The following LMNTD1 variants were observed in gnomAD, a reference collection of about 807,000 sequenced individuals.
LMNTD1 encodes lamin tail domain containing 1.
In LMNTD1, 35 loss-of-function variants were observed where a neutral mutation model predicts 50.9. The observed-to-expected ratio is 0.69, with a 90% CI of 0.53 to 0.91. The LOEUF (loss-of-function observed/expected upper bound fraction) is 0.91, where lower values mean the gene tolerates loss of function less well. LMNTD1 is among the 40% of genes least tolerant of loss of function. LMNTD1 has a pLI of 0.00. For synonymous variants in LMNTD1, 153 were observed against 161.9 expected (o/e 0.94, Z 0.42); for missense variants, 470 against 475.5 (o/e 0.99, Z 0.11).
At chr12:25,602,257 T>A (rs1003900879) in intron 1 of LMNTD1, among the ~76,000 whole-genome samples, 1 of 151,522 alleles carries the variant, frequency 6.6e-6, no homozygotes, top group African/African-American at 2.4e-5. Context: ...TCCTAAATTT[T>A]TATTTTCTTT....
intron 1 of LMNTD1, among the ~76,000 whole-genome samples, chr12:25,580,211 T>C (rs982199533): frequency 6.6e-6 from 1 of 152,182 alleles, no homozygotes; most frequent in East Asian, 1.9e-4. Flanking sequence ...GCATCATCTC[T>C]ATTTTGTAGT....
chr12:25,633,957 G>A (rs1405687796), intron 1 of LMNTD1, among the ~76,000 whole-genome samples: 2 of 152,096 alleles, frequency 1.3e-5, no homozygotes, highest in Non-Finnish European at 2.9e-5. Flanking sequence ...GAAAAGAAGA[G>A]AGAAAAATCC....
At chr12:25,621,981 A>G (rs543692135) in intron 1 of LMNTD1, among the ~76,000 whole-genome samples, 26 of 152,370 alleles carry the variant, frequency 1.7e-4, no homozygotes, top group Non-Finnish European at 3.4e-4. Context: ...ATTCTGAGCC[A>G]GAGGCAAGTG....
At chr12:25,565,981 T>C (rs1325646810) in intron 1 of LMNTD1, among the ~76,000 whole-genome samples, 5 of 152,170 alleles carry the variant, frequency 3.3e-5, no homozygotes, top group African/African-American at 1.2e-4. Context: ...TGGAGCTCCA[T>C]TGTAGGTTAT....
At chr12:25,495,894 A>G (rs1939046494) in intron 9 of LMNTD1, among the ~76,000 whole-genome samples, 1 of 152,204 alleles carries the variant, frequency 6.6e-6, no homozygotes, top group Non-Finnish European at 1.5e-5. Flanking sequence ...TTCTAAGAGC[A>G]CACTTCACAA....
At chr12:25,482,163 T>G (rs1028681499) in intron 9 of LMNTD1, among the ~76,000 whole-genome samples, 5 of 152,002 alleles carry the variant, frequency 3.3e-5, no homozygotes, top group African/African-American at 1.2e-4. Context: ...ACAATTGCTG[T>G]CATCAGCATG....
intron 1 of LMNTD1, among the ~76,000 whole-genome samples, chr12:25,565,221 C>CATTTTAT (rs1466869491): frequency 6.6e-6 from 1 of 151,804 alleles, no homozygotes; most frequent in Non-Finnish European, 1.5e-5. Context: ...TGACTTCTGC[C>CATTTTAT]ATTTTATGTT....
chr12:25,571,276 G>A (rs559639979), intron 1 of LMNTD1, among the ~76,000 whole-genome samples: 10 of 152,218 alleles, frequency 6.6e-5, no homozygotes, highest in East Asian at 3.9e-4. Flanking sequence ...TTTTGTTCTC[G>A]TATCAATGTG....
intron 4 of LMNTD1, among the ~76,000 whole-genome samples, chr12:25,540,991 A>G (rs952853818): frequency 0.016 from 2,202 of 135,150 alleles, 60 homozygotes; most frequent in African/African-American, 0.055. Context: ...TTCAAAGAGA[A>G]TAAAATACCT....
At chr12:25,555,965 CTTTTTTT>C (rs71065954), upstream of LMNTD1, among the ~76,000 whole-genome samples, 5 of 69,472 alleles carry the variant, frequency 7.2e-5, no homozygotes, top group East Asian at 7.3e-4. Context: ...GTGCAATAAT[CTTTTTTT>C]TTTTTTTTTT....
chr12:25,643,739 G>A (rs960525727), intron 1 of LMNTD1, among the ~76,000 whole-genome samples: 6 of 152,192 alleles, frequency 3.9e-5, no homozygotes, highest in Non-Finnish European at 7.3e-5. Context: ...CAAAGAAGAA[G>A]GGAGGAGTGG....
Position 25,594,822 on chromosome 12 carries a change from C to T in LMNTD1, c.59-48268G>A, listed in dbSNP as rs903590475. 7.2e-5 allele frequency among the ~76,000 whole-genome samples: 11 copies of T among 152,178 alleles called. No individual in the cohort carries two copies. In the East Asian group the frequency reaches 2.1e-3, roughly 29 times the overall value. ...TAAAAATTCACCAAACAACTATCTG[C>T]TGCCTTCAAGAGACTCACCTAACAC... On this transcript the variant is annotated intron_variant, in intron 1 of 7. Transcript: ENST00000445693.
chr12:25,527,673 T>TAC lies in LMNTD1; in HGVS notation c.492-719_492-718insGT, dbSNP rs1433172011. Among the ~76,000 whole-genome samples, 10 of 21,460 alleles carry TAC rather than the reference T, an allele frequency of 4.7e-4. No homozygotes were observed. The South Asian group carries it at 5.9e-3, about 13-fold the overall frequency. 14.1% of individuals were successfully genotyped at this position (21,460 alleles called of 152,430 possible). On this transcript the variant is annotated intron_variant, in intron 4 of 9. Transcript: ENST00000458174. ...ATATATATATATATATATATATATATATATATATACACACACACACACACA... is the reference window on the plus strand; with the variant it reads ...ATATATATATATATATATATATATATACATATATATACACACACACACACACA...
At position 25,498,298 on chromosome 12, in the gene LMNTD1, C is replaced by A. The variant is rs370216912; in HGVS notation, c.*22+5440G>T. ...AATATTTTTGTTCCTTTGTCATTTC[C>A]TGTTCTGTCCATGGGATTTTGCACA... On this transcript the variant is annotated intron_variant, in intron 9 of 9. Coordinates refer to ENST00000458174, the MANE Select transcript of LMNTD1 (RefSeq NM_001145728.2). 1.4e-3 allele frequency among the ~76,000 whole-genome samples: 220 copies of A among 152,188 alleles called. No homozygotes were observed. In the South Asian group the frequency reaches 0.019, roughly 13 times the overall value.
chr12:25,599,485 C>T (rs539799762), intron 1 of LMNTD1, among the ~76,000 whole-genome samples: 1 of 152,040 alleles, frequency 6.6e-6, no homozygotes, highest in South Asian at 2.1e-4. Flanking sequence ...GAAGGGTATC[C>T]AAATTTGAAA....
chr12:25,646,126 A>AT (rs1026143220), intron 1 of LMNTD1, among the ~76,000 whole-genome samples: 7 of 151,962 alleles, frequency 4.6e-5, no homozygotes, highest in Admixed American at 2.0e-4. Flanking sequence ...ACCTGGGTTA[A>AT]TTTTTTTTAA....
Position 25,512,864 on chromosome 12 carries a change from TG to T in LMNTD1, c.1189+5930del, listed in dbSNP as rs200683693. 3.4e-4 allele frequency among the ~76,000 whole-genome samples: 49 copies of T among 142,088 alleles called. 2 individuals carry two copies. Among genetic ancestry groups the T allele is most frequent in the African/African-American group, 8.6e-4 (32 of 37,360 alleles). 93.2% of individuals were successfully genotyped at this position (142,088 alleles called of 152,430 possible). A position where few individuals can be genotyped will look rare whatever the true frequency, so the allele number is the denominator to read the frequency against. ...GAATCTACTCACAATTTTTTTTTTA[TG>T]GGGGGGGGCTTTAATGAAACCTCTT... On this transcript the variant is annotated intron_variant, in intron 8 of 9. Coordinates refer to ENST00000458174, the MANE Select transcript of LMNTD1 (RefSeq NM_001145728.2).
Position 25,526,088 on chromosome 12 carries a change from C to A in LMNTD1, c.798+11G>T. On this transcript the variant is annotated intron_variant, in intron 6 of 9. Coordinates refer to ENST00000458174, the MANE Select transcript of LMNTD1 (RefSeq NM_001145728.2). ...AAAAAAAAAAACGATTGTTAAGAAC[C>A]AGAAACTAACTTGACCGTTCGGTTT... 2 of 1,548,126 alleles carry A rather than the reference C, an allele frequency of 1.3e-6. No homozygotes were observed. Among genetic ancestry groups the A allele is most frequent in the Admixed American group, 2.1e-5 (1 of 46,898 alleles).
chr12:25,569,463 G>C lies in LMNTD1; in HGVS notation c.59-22909C>G, dbSNP rs538413338. On this transcript the variant is annotated intron_variant, in intron 1 of 7. Transcript: ENST00000445693. ...ACTTAGGACTTTAAACTTGATGTTG[G>C]AATGAGTTAAGACTTTGGGGGACTG... Among the ~76,000 whole-genome samples, 33 of 152,258 alleles carry C rather than the reference G, an allele frequency of 2.2e-4. 1 individual carries two copies. The highest frequency in any genetic ancestry group is 7.7e-4 in the African/African-American group (32 of 41,544).
Sources: gnomAD v4.1 joint callset for allele counts (sites outside exome capture counted in the v4.1 genomes callset) on GRCh38, gnomAD v4.1.1 for gene constraint, MANE v1.5 for transcripts, NCBI Gene and HGNC (gene_info 2026-07-23, HGNC 2026-07-21) for gene names.